Variants in CNDP2 observed in about 807,000 individuals in gnomAD.
CNDP2 encodes the protein cytosolic non-specific dipeptidase.
A neutral mutation model predicts 55.0 loss-of-function variants in CNDP2; 38 were observed. The observed-to-expected ratio is 0.69, with a 90% CI of 0.53 to 0.90. CNDP2 has a LOEUF of 0.90. Among genes scored for constraint, CNDP2 ranks in the 40% least tolerant of loss-of-function variants. The pLI, the probability that CNDP2 is intolerant of heterozygous loss-of-function variation, is 0.00. For missense variants in CNDP2, 607 were observed against 621.7 expected, an observed-to-expected ratio of 0.98 and a Z score of 0.25; for synonymous variants, 241 against 260.2, an observed-to-expected ratio of 0.93 and a Z score of 0.71.
chr18:74,511,740 C>T (rs1474722334), intron 6 of CNDP2, among the ~76,000 whole-genome samples: 1 of 151,960 alleles, frequency 6.6e-6, no homozygotes, highest in African/African-American at 2.4e-5. Flanking sequence ...CGAGGCAGCA[C>T]CAAGAGTGGG....
chr18:74,520,471 A>G lies in CNDP2; in HGVS notation c.*403A>G. 5.2e-6 allele frequency: 1 copy of G among 191,326 alleles called. No homozygotes were observed. The highest frequency in any genetic ancestry group is 2.1e-3 in the Middle Eastern group (1 of 466). The allele number at this position is 191,326 out of a possible 1,614,324, so 11.9% of individuals were successfully genotyped here. A position where few individuals can be genotyped will look rare whatever the true frequency, so the allele number is the denominator to read the frequency against. The stretch of plus-strand genomic sequence containing the variant: ...GGAGTCTGAGACAAGCCTAGGCAAC[A>G]AAACAAGACTCTGTCTCTACAAAAA... On this transcript the variant is annotated 3_prime_UTR_variant, in exon 12 of 12. Transcript: ENST00000324262.
intron 8 of CNDP2, among the ~76,000 whole-genome samples, chr18:74,515,775 C>T (rs1297556382): frequency 6.6e-6 from 1 of 152,166 alleles, no homozygotes; most frequent in Admixed American, 6.5e-5. Flanking sequence ...CCTGGCTCTC[C>T]TCTCTCAGTA....
Position 74,510,819 on chromosome 18 carries a change from C to G in CNDP2, c.463C>G (p.Pro155Ala), listed in dbSNP as rs148388345. The part of the protein sequence containing the change: ...EAYQKTGQEI[P>A]VNVRFCLEGM... The stretch of plus-strand genomic sequence containing the variant: ...TGCTGTTCCCTTCTCACAGGAGATT[C>G]CTGTCAACGTCCGATTCTGCCTCGA... The change falls in exon 6 of 12, where the codon CCT becomes GCT. Residue 155 changes from proline to alanine, a missense_variant. Transcript: ENST00000324262. 9.9e-6 allele frequency: 16 copies of G among 1,613,146 alleles called. No homozygotes were observed. Among genetic ancestry groups the G allele is most frequent in the Non-Finnish European group, 1.3e-5 (15 of 1,179,610 alleles).
At chr18:74,502,511 C>T (rs1040470445) in intron 3 of CNDP2, among the ~76,000 whole-genome samples, 27 of 146,816 alleles carry the variant, frequency 1.8e-4, no homozygotes, top group Admixed American at 3.5e-4. Context: ...ACCATGTTTC[C>T]AGGCTGGTCT....
At chr18:74,508,649 T>C in intron 4 of CNDP2, 191 bp from the exon 5 acceptor site, 1 of 568,168 alleles carries the variant, frequency 1.8e-6, no homozygotes, top group South Asian at 2.2e-5. Flanking sequence ...ACGTGGCTTA[T>C]CTCTTTGATG....
At chr18:74,508,799 T>C in intron 4 of CNDP2, 41 bp from the exon 5 acceptor site, 1 of 1,556,394 alleles carries the variant, frequency 6.4e-7, no homozygotes, top group Non-Finnish European at 8.9e-7. Flanking sequence ...TCTGGGTTCC[T>C]TGTAATCATC....
At chr18:74,511,683 GA>G (rs1979361050) in intron 6 of CNDP2, among the ~76,000 whole-genome samples, 1 of 149,192 alleles carries the variant, frequency 6.7e-6, no homozygotes, top group Admixed American at 6.8e-5. Flanking sequence ...ACTCCAGCCT[GA>G]GCTACAGAGC....
intron 2 of CNDP2, among the ~76,000 whole-genome samples, chr18:74,500,884 C>T (rs952715544): frequency 6.6e-6 from 1 of 152,220 alleles, no homozygotes; most frequent in Non-Finnish European, 1.5e-5. Flanking sequence ...GGGCTGTATG[C>T]ACCGGTGGTC....
intron 1 of CNDP2, chr18:74,498,160 A>T (rs1978507238): frequency 6.6e-6 from 1 of 152,094 alleles, no homozygotes; most frequent in Non-Finnish European, 1.5e-5. Flanking sequence ...TTGCTTAAGG[A>T]TGGGGATACA....
intron 4 of CNDP2, chr18:74,507,861 G>A: frequency 6.6e-6 from 1 of 152,482 alleles, no homozygotes; most frequent in Non-Finnish European, 1.5e-5. Flanking sequence ...TTTGTCGGCA[G>A]CTCTGAGCCA....
chr18:74,496,776 T>A (rs1481514139), intron 1 of CNDP2, among the ~76,000 whole-genome samples: 1 of 151,722 alleles, frequency 6.6e-6, no homozygotes, highest in African/African-American at 2.4e-5. Flanking sequence ...ACGACCCGGG[T>A]TGGAGATGGG....
chr18:74,518,243 C>A, intron 9 of CNDP2: 2 of 295,252 alleles, frequency 6.8e-6, no homozygotes, highest in Non-Finnish European at 1.3e-5. Flanking sequence ...GCCTGGACAA[C>A]AGAGCGAGAC....
intron 9 of CNDP2, 23 bp from the exon 10 acceptor site, chr18:74,518,476 C>A: frequency 6.2e-7 from 1 of 1,613,932 alleles, no homozygotes; most frequent in South Asian, 1.1e-5. Flanking sequence ...GCATTGTATA[C>A]CTCTATTCTA....
chr18:74,511,034 G>A (rs1293773045), intron 6 of CNDP2, 21 bp downstream of exon 6: 3 of 1,598,468 alleles, frequency 1.9e-6, no homozygotes, highest in Non-Finnish European at 1.7e-6. Context: ...AAGCTGTACG[G>A]GTCACTTCTT....
chr18:74,505,892 G>A lies in CNDP2; in HGVS notation c.248G>A (p.Gly83Asp). 6.2e-7 allele frequency: 1 copy of A among 1,611,466 alleles called. No individual in the cohort carries two copies. Among genetic ancestry groups the A allele is most frequent in the Non-Finnish European group, 8.5e-7 (1 of 1,179,260 alleles). ...SEIPLPPILL[G>D]RLGSDPQKKT... Reference sequence around the variant, plus strand: ...ATCCCGCTCCCTCCTATTCTGCTCGGCAGGCTGGGCTCCGACCCACAGAAG... The same window carrying A: ...ATCCCGCTCCCTCCTATTCTGCTCGACAGGCTGGGCTCCGACCCACAGAAG... The change falls in exon 4 of 12, where the codon GGC becomes GAC. Residue 83 changes from glycine (G) to aspartate (D), a missense_variant. Physicochemically the swap from Gly to Asp is moderately conservative, Grantham distance 94 (BLOSUM62 -1). Coordinates refer to ENST00000324262, the MANE Select transcript of CNDP2 (RefSeq NM_018235.3).
chr18:74,497,482 A>C (rs1175843138), intron 1 of CNDP2: 1 of 152,216 alleles, frequency 6.6e-6, no homozygotes, highest in Admixed American at 6.5e-5. Flanking sequence ...TAGTCTCAAC[A>C]TTTAAATCAT....
chr18:74,513,855 C>T (rs748366047), intron 8 of CNDP2, 136 bp downstream of exon 8: 34 of 857,750 alleles, frequency 4.0e-5, no homozygotes, highest in Non-Finnish European at 5.8e-5. Flanking sequence ...ATGAGTCACT[C>T]AGAAAGCAGA....
chr18:74,514,445 G>T (rs12966783), intron 8 of CNDP2, among the ~76,000 whole-genome samples: 1 of 150,538 alleles, frequency 6.6e-6, no homozygotes, highest in South Asian at 2.1e-4. Flanking sequence ...ATGTGGTATG[G>T]ATGTAAGTTC....
intron 7 of CNDP2, among the ~76,000 whole-genome samples, chr18:74,513,202 G>A (rs1979453588): frequency 6.6e-6 from 1 of 152,232 alleles, no homozygotes; most frequent in South Asian, 2.1e-4. Flanking sequence ...CCAGTCTGCT[G>A]GTTTGCGTCG....
Sources: gnomAD v4.1 joint callset for allele counts (sites outside exome capture counted in the v4.1 genomes callset) on GRCh38, gnomAD v4.1.1 for gene constraint, MANE v1.5 for transcripts, NCBI Gene and HGNC (gene_info 2026-07-23, HGNC 2026-07-21) for gene names.